Variants in MINAR1 observed in about 807,000 individuals in gnomAD.
MINAR1 encodes the protein major intrinsically disordered Notch2-binding receptor 1.
Under a neutral mutation model 65.1 loss-of-function variants are expected in MINAR1, and 40 were observed. The observed-to-expected ratio is 0.61, with a 90% CI of 0.48 to 0.80. The LOEUF is 0.80. Ranked by LOEUF, MINAR1 falls within the 30% of genes least tolerant of loss-of-function variation. The probability of loss-of-function intolerance (pLI) is 0.00; values close to 1 mark genes in which losing one functional copy is unlikely to be tolerated. For synonymous variants in MINAR1, 482 were observed against 449.1 expected (o/e 1.07, Z -0.93); for missense variants, 1,128 against 1,148.0 (o/e 0.98, Z 0.25).
chr15:79,456,804 C>T lies in MINAR1; in HGVS notation c.657C>T (p.Asn219=). 1 of 1,614,208 alleles carries T rather than the reference C, an allele frequency of 6.2e-7. No individual in the cohort carries two copies. Among genetic ancestry groups the T allele is most frequent in the East Asian group, 2.2e-5 (1 of 44,874 alleles). Residue 219 remains asparagine, a synonymous_variant, in exon 2 of 4, where the codon AAC becomes AAT. Coordinates refer to ENST00000305428, the MANE Select transcript of MINAR1 (RefSeq NM_015206.3). The part of the protein sequence containing the change: ...CEMQRTYFPM[N]IENESISDQD... ...TGCAGAGGACCTACTTCCCCATGAA[C>T]ATCGAAAACGAGTCCATTTCAGACC...
the MINAR1 span, chr15:79,421,574 A>G: frequency 6.6e-6 from 1 of 152,246 alleles, no homozygotes; most frequent in Non-Finnish European, 1.5e-5. Flanking sequence ...TTGGATTTGA[A>G]TGAAGTTCTA....
At chr15:79,439,342 GTGTGTGTGGGTA>G (rs1894791918) in intron 1 of MINAR1, among the ~76,000 whole-genome samples, 1 of 60,270 alleles carries the variant, frequency 1.7e-5, no homozygotes, top group Non-Finnish European at 3.7e-5. Context: ...GGTAGGCAGT[GTGTGTGTGGGTA>G]ATGAGATGTG....
At chr15:79,413,679 C>T in the MINAR1 span, 1 of 152,164 alleles carries the variant, frequency 6.6e-6, no homozygotes, top group Non-Finnish European at 1.5e-5. Flanking sequence ...TTACATAGCT[C>T]TTGTTCAAGC....
At chr15:79,434,534 C>T (rs1894540567) in intron 1 of MINAR1, among the ~76,000 whole-genome samples, 5 of 152,200 alleles carry the variant, frequency 3.3e-5, no homozygotes, top group Non-Finnish European at 1.5e-5. Context: ...GCAGTTATGG[C>T]TCTGTGCCTG....
intron 3 of MINAR1, among the ~76,000 whole-genome samples, chr15:79,465,455 C>T (rs921754713): frequency 2.0e-5 from 3 of 152,118 alleles, no homozygotes; most frequent in Non-Finnish European, 4.4e-5. Context: ...ACTGCATACA[C>T]TCACCTGTGT....
chr15:79,451,292 G>C (rs141716036), intron 1 of MINAR1, among the ~76,000 whole-genome samples: 1,591 of 152,178 alleles, frequency 0.01, 12 homozygotes, highest in Middle Eastern at 0.024. Context: ...CATCCCAGGT[G>C]AATCTTACCT....
intron 1 of MINAR1, among the ~76,000 whole-genome samples, chr15:79,454,121 C>T (rs958914446): frequency 6.6e-6 from 1 of 152,216 alleles, no homozygotes; most frequent in African/African-American, 2.4e-5. Context: ...ACACAGAATG[C>T]TTCCATCAGA....
At chr15:79,424,481 C>T in the MINAR1 span, 2 of 152,244 alleles carry the variant, frequency 1.3e-5, no homozygotes, top group Non-Finnish European at 2.9e-5. Context: ...ATTCACAGCA[C>T]TGTGGCTTTC....
Position 79,458,306 on chromosome 15 carries a change from A to G in MINAR1, c.2159A>G (p.Glu720Gly). ...RSLTEENSAT[E>G]SKIASISNSP... Reference sequence around the variant, plus strand: ...CTAACAGAGGAGAACAGTGCCACAGAGTCCAAAATTGCCAGCATCTCCAAC... The same window carrying G: ...CTAACAGAGGAGAACAGTGCCACAGGGTCCAAAATTGCCAGCATCTCCAAC... Residue 720 changes from glutamate to glycine, a missense_variant, in exon 2 of 4, where the codon GAG (glutamate) becomes GGG (glycine). Glu to Gly is a moderately conservative substitution (Grantham distance 98). Coordinates refer to ENST00000305428, the MANE Select transcript of MINAR1 (RefSeq NM_015206.3). The G allele has an allele frequency of 1.2e-6, 2 of 1,614,200 alleles. No homozygotes were observed. Among genetic ancestry groups the G allele is most frequent in the Non-Finnish European group, 1.7e-6 (2 of 1,180,040 alleles).
chr15:79,431,881 C>T (rs1048815156), upstream of MINAR1, among the ~76,000 whole-genome samples: 1 of 152,174 alleles, frequency 6.6e-6, no homozygotes, highest in African/African-American at 2.4e-5. Context: ...GGGGCTCCGG[C>T]GGCGCTCTGA....
chr15:79,449,391 C>G (rs1207032709), intron 1 of MINAR1, among the ~76,000 whole-genome samples: 1 of 152,178 alleles, frequency 6.6e-6, no homozygotes, highest in Non-Finnish European at 1.5e-5. Context: ...ATACATGAGA[C>G]TAGGTAATTT....
At chr15:79,452,370 G>A (rs1255022536) in intron 1 of MINAR1, among the ~76,000 whole-genome samples, 1 of 152,004 alleles carries the variant, frequency 6.6e-6, no homozygotes, top group East Asian at 1.9e-4. Context: ...CTGGGTATAT[G>A]TATGTCCCTG....
At chr15:79,432,567 G>C (rs1463664047) in intron 1 of MINAR1, 27 bp downstream of exon 1, 1 of 149,886 alleles carries the variant, frequency 6.7e-6, no homozygotes, top group Non-Finnish European at 1.5e-5. Flanking sequence ...CGGGCCGGGC[G>C]GAGGGCGGGA....
intron 3 of MINAR1, 150 bp from the exon 4 acceptor site, chr15:79,468,037 G>T: frequency 1.6e-6 from 1 of 629,892 alleles, no homozygotes; most frequent in Non-Finnish European, 2.8e-6. Context: ...CCTGCCTCAG[G>T]CATGGGGCTG....
Position 79,462,200 on chromosome 15 carries a change from C to T in MINAR1, c.2299-867C>T, listed in dbSNP as rs1332245528. ...GGATTAAAAGGTGAACAAAATGATC[C>T]CTTGCCTTTAAGGAACTCATAGTTT... is the stretch of plus-strand genomic sequence containing the variant. On this transcript the variant is annotated intron_variant, in intron 2 of 3. Transcript: ENST00000305428. 2.0e-5 allele frequency among the ~76,000 whole-genome samples: 3 copies of T among 152,024 alleles called. No homozygotes were observed. In the East Asian group the frequency reaches 5.8e-4, roughly 29 times the overall value.
intron 2 of MINAR1, among the ~76,000 whole-genome samples, chr15:79,459,087 G>A (rs1191096063): frequency 2.0e-5 from 3 of 152,128 alleles, no homozygotes; most frequent in Non-Finnish European, 2.9e-5. Context: ...GGCTGAGGCA[G>A]GAGAATTGCT....
chr15:79,463,575 A>G (rs1051464289), intron 3 of MINAR1: 4 of 651,354 alleles, frequency 6.1e-6, no homozygotes, highest in African/African-American at 1.8e-5. Flanking sequence ...TTTATCGGCC[A>G]TCTGATTTGC....
chr15:79,428,718 T>C (rs147267724), upstream of MINAR1, among the ~76,000 whole-genome samples: 82 of 152,320 alleles, frequency 5.4e-4, no homozygotes, highest in Middle Eastern at 6.8e-3. Flanking sequence ...CAAGTTTACC[T>C]AGATAGTAGG....
At chr15:79,448,118 G>GA (rs948488545) in intron 1 of MINAR1, among the ~76,000 whole-genome samples, 1 of 152,136 alleles carries the variant, frequency 6.6e-6, no homozygotes, top group African/African-American at 2.4e-5. Context: ...TGCCCGTTAA[G>GA]AAAAAAATTT....
Sources: allele counts gnomAD v4.1 joint callset (sites outside exome capture counted in the v4.1 genomes callset), GRCh38; gene constraint gnomAD v4.1.1; transcripts MANE v1.5; gene names NCBI Gene and HGNC (gene_info 2026-07-23, HGNC 2026-07-21).